PAAF1: variants seen among roughly 807,000 people sequenced by gnomAD.
PAAF1 encodes the protein proteasomal ATPase-associated factor 1.
Under a neutral mutation model 52.8 loss-of-function variants are expected in PAAF1, and 46 were observed. The observed-to-expected ratio is 0.87, with a 90% CI of 0.69 to 1.11. The LOEUF (loss-of-function observed/expected upper bound fraction) is 1.11. Among genes scored for constraint, PAAF1 ranks in the 50% most tolerant of loss-of-function variants. The pLI is 0.00. For missense variants in PAAF1, 424 were observed against 477.4 expected (o/e 0.89, Z 1.04); for synonymous variants, 178 against 172.8 (o/e 1.03, Z -0.24).
chr11:73,909,578 C>T lies in PAAF1; in HGVS notation c.712C>T (p.Pro238Ser). 2 of 1,614,002 alleles carry T rather than the reference C, an allele frequency of 1.2e-6. No homozygotes were observed. Among genetic ancestry groups the T allele is most frequent in the Non-Finnish European group, 1.7e-6 (2 of 1,179,968 alleles). ...TGACAACTCCATAAACCTTGGCTCCCCTGAGCAGATGCCCAGTAAGTTGAT... is the reference window on the plus strand; with the variant it reads ...TGACAACTCCATAAACCTTGGCTCCTCTGAGCAGATGCCCAGTAAGTTGAT... ...AADNSINLGSPEQMPSEREVG... is the reference protein window; with the variant it reads ...AADNSINLGSSEQMPSEREVG... The change falls in exon 7 of 12, where the codon CCT (proline) becomes TCT (serine). Residue 238 changes from proline (P) to serine (S), a missense_variant. Pro to Ser is a moderately conservative substitution (Grantham distance 74). Transcript: ENST00000310571.
rs1213179017 is a variant in PAAF1 at position 73,884,922 on chromosome 11, G to C, written c.89-2432G>C. ...TCGCCCAGGCTGGAGTGCAGTGGCGGGATCTCGGCTCACTGCAAGTTCCGC... is the reference window on the plus strand; with the variant it reads ...TCGCCCAGGCTGGAGTGCAGTGGCGCGATCTCGGCTCACTGCAAGTTCCGC... On this transcript the variant is annotated intron_variant, in intron 2 of 11. Coordinates refer to ENST00000310571, the MANE Select transcript of PAAF1 (RefSeq NM_025155.3). Among the ~76,000 whole-genome samples, 110 of 147,978 alleles carry C rather than the reference G, an allele frequency of 7.4e-4. 1 individual carries two copies. Among genetic ancestry groups the C allele is most frequent in the Admixed American group, 2.3e-3 (34 of 14,972 alleles).
At chr11:73,893,503 GAGGC>G (rs1949253369) in intron 4 of PAAF1, among the ~76,000 whole-genome samples, 1 of 150,942 alleles carries the variant, frequency 6.6e-6, no homozygotes, top group Admixed American at 6.6e-5. Flanking sequence ...TTGGGAGGCC[GAGGC>G]AGGTGAATCA....
Position 73,878,774 on chromosome 11 carries a change from C to T in PAAF1, c.48-5C>T, listed in dbSNP as rs540852483. ...GCCTAATTAGGCTTTTGTCTTTCTT[C>T]GTAGGAAGGATGAAGGGGAGGCCTG... On this transcript the variant is annotated splice_polypyrimidine_tract_variant and splice_region_variant and intron_variant, in intron 1 of 11. Transcript: ENST00000310571. 1.1e-5 allele frequency: 18 copies of T among 1,613,010 alleles called. No homozygotes were observed. The highest frequency in any genetic ancestry group is 2.2e-5 in the East Asian group (1 of 44,826).
chr11:73,898,922 G>A (rs1310363759), intron 4 of PAAF1, among the ~76,000 whole-genome samples: 2 of 152,232 alleles, frequency 1.3e-5, no homozygotes, highest in Non-Finnish European at 2.9e-5. Flanking sequence ...CAGATGATTA[G>A]AGGAATATCT....
chr11:73,879,883 A>G (rs1948845681), intron 2 of PAAF1: 1 of 151,644 alleles, frequency 6.6e-6, no homozygotes, highest in South Asian at 2.1e-4. Context: ...TAAAAAAAAA[A>G]AGACTATTGT....
In PAAF1 at chr11:73,899,203, G is replaced by A. The variant is rs374237947; in HGVS notation, c.340G>A (p.Gly114Arg). ...TCTTGGTGTGTCTTCTAGTACTGAC[G>A]GGACCATGAAAATCTGGCAGGCTTC... ...GGLGVSSSTDGTMKIWQASNG... is the reference protein window; with the variant it reads ...GGLGVSSSTDRTMKIWQASNG... Residue 114 changes from glycine (G) to arginine (R), a missense_variant, in exon 5 of 12, where the codon GGG (glycine) becomes AGG (arginine). Gly to Arg is a moderately radical substitution (Grantham distance 125, BLOSUM62 -2). Transcript: ENST00000310571. 7.4e-6 allele frequency: 12 copies of A among 1,613,908 alleles called. No individual in the cohort carries two copies. Among genetic ancestry groups the A allele is most frequent in the Admixed American group, 1.7e-5 (1 of 59,988 alleles).
At chr11:73,880,241 G>A (rs1374389221) in intron 2 of PAAF1, 1 of 151,574 alleles carries the variant, frequency 6.6e-6, no homozygotes, top group Non-Finnish European at 1.5e-5. Context: ...TCCTACCCTG[G>A]ACCAGAAAGT....
At chr11:73,898,300 A>G (rs1402282434) in intron 4 of PAAF1, among the ~76,000 whole-genome samples, 1 of 152,230 alleles carries the variant, frequency 6.6e-6, no homozygotes, top group African/African-American at 2.4e-5. Context: ...CTCCTGGTGC[A>G]TCTTAGAACA....
intron 4 of PAAF1, among the ~76,000 whole-genome samples, chr11:73,892,216 T>C (rs1354646080): frequency 6.6e-6 from 1 of 150,790 alleles, no homozygotes; most frequent in African/African-American, 2.4e-5. Flanking sequence ...CCAGCTACTC[T>C]GAATGCTGAG....
intron 6 of PAAF1, among the ~76,000 whole-genome samples, chr11:73,905,306 C>T (rs1949726754): frequency 1.3e-5 from 2 of 152,028 alleles, no homozygotes; most frequent in African/African-American, 2.4e-5. Flanking sequence ...TCAGTGCAAC[C>T]TCCGCCTCCT....
chr11:73,878,642 C>G (rs1286020197), intron 1 of PAAF1, 137 bp from the exon 2 acceptor site: 1 of 642,038 alleles, frequency 1.6e-6, no homozygotes, highest in Non-Finnish European at 2.8e-6. Context: ...GATCTATACT[C>G]GATGAGAGGT....
rs891828698 is a variant in PAAF1, at chr11:73,928,381, T to C, written c.*1019T>C. The C allele has an allele frequency of 1.3e-5, 2 of 152,208 alleles. No homozygotes were observed. The highest frequency in any genetic ancestry group is 4.8e-5 in the African/African-American group (2 of 41,442). The allele number at this position is 152,208 out of a possible 1,614,324, so 9.4% of individuals were successfully genotyped here. A position where few individuals can be genotyped will look rare whatever the true frequency, so the allele number is the denominator to read the frequency against. On this transcript the variant is annotated 3_prime_UTR_variant, in exon 12 of 12. Transcript: ENST00000310571. Reference sequence around the variant, plus strand: ...AATGTTAGCTAAGGAGCTCAGACTTTACGTGGTTGGCAGTGGGGAACCACT... The same window carrying C: ...AATGTTAGCTAAGGAGCTCAGACTTCACGTGGTTGGCAGTGGGGAACCACT...
intron 2 of PAAF1, 97 bp from the exon 3 acceptor site, chr11:73,887,255 TGG>T: frequency 1.3e-6 from 1 of 786,218 alleles, no homozygotes; most frequent in Non-Finnish European, 2.0e-6. Flanking sequence ...GCCAATTTCA[TGG>T]GTATACTATT....
Position 73,897,472 on chromosome 11 carries a change from G to T in PAAF1, c.283-1674G>T, listed in dbSNP as rs1424397529. Among the ~76,000 whole-genome samples, 733 of 151,740 alleles carry T rather than the reference G, an allele frequency of 4.8e-3. 6 individuals are homozygous for T. The highest frequency in any genetic ancestry group is 0.017 in the African/African-American group (694 of 41,378). ...AGGGTCTCCTCACTTCTCAGACGGG[G>T]CGGCCGGGCAGAGACGCTCCTCACA... On this transcript the variant is annotated intron_variant, in intron 4 of 11. Coordinates refer to ENST00000310571, the MANE Select transcript of PAAF1 (RefSeq NM_025155.3).
intron 2 of PAAF1, among the ~76,000 whole-genome samples, chr11:73,883,460 A>G (rs1948972851): frequency 6.6e-6 from 1 of 152,062 alleles, no homozygotes; most frequent in Non-Finnish European, 1.5e-5. Flanking sequence ...TTTCATATAA[A>G]TGGAATCATA....
chr11:73,902,144 G>A (rs60093210), intron 6 of PAAF1, among the ~76,000 whole-genome samples: 3,086 of 151,462 alleles, frequency 0.02, 106 homozygotes, highest in African/African-American at 0.07. Context: ...TTACAGGTAT[G>A]AGCCACTGCG....
chr11:73,894,569 C>T (rs997762628), intron 4 of PAAF1, among the ~76,000 whole-genome samples: 2 of 151,772 alleles, frequency 1.3e-5, no homozygotes, highest in East Asian at 3.9e-4. Flanking sequence ...CAGCATGGCA[C>T]ATGTATACAT....
At chr11:73,912,434 C>T (rs1373972126) in intron 7 of PAAF1, among the ~76,000 whole-genome samples, 1 of 152,172 alleles carries the variant, frequency 6.6e-6, no homozygotes, top group Non-Finnish European at 1.5e-5. Flanking sequence ...TCACAGTCCA[C>T]CCTCTCTTTC....
At chr11:73,887,010 C>G (rs1023818645) in intron 2 of PAAF1, 110 of 451,854 alleles carry the variant, frequency 2.4e-4, no homozygotes, top group African/African-American at 2.1e-3. Flanking sequence ...ACACTGGCTC[C>G]CCTTCTCCTT....
Sources: gnomAD v4.1 joint callset for allele counts (sites outside exome capture counted in the v4.1 genomes callset) on GRCh38, gnomAD v4.1.1 for gene constraint, MANE v1.5 for transcripts, NCBI Gene and HGNC (gene_info 2026-07-23, HGNC 2026-07-21) for gene names.